The following RPSA2 variants were observed in gnomAD, a reference collection of about 807,000 sequenced individuals.
RPSA2 encodes the protein small ribosomal subunit protein uS2B.
At chr19:23,827,630 G>A in the RPSA2 span, 3 of 1,594,282 alleles carry the variant, frequency 1.9e-6, no homozygotes, top group Non-Finnish European at 2.6e-6. Context: ...TCTGCGCTAT[G>A]TGGACATTGC....
the RPSA2 span, among the ~76,000 whole-genome samples, chr19:23,792,770 C>T: frequency 1.3e-5 from 2 of 151,840 alleles, no homozygotes; most frequent in African/African-American, 2.4e-5. Context: ...GCCTCGGCCT[C>T]CCAAAGTGCT....
chr19:23,835,209 T>G, the RPSA2 span, among the ~76,000 whole-genome samples: 1 of 20,646 alleles, frequency 4.8e-5, no homozygotes. Flanking sequence ...TTTTATAAAT[T>G]TTAATATATT....
the RPSA2 span, among the ~76,000 whole-genome samples, chr19:23,839,691 C>T: frequency 1.3e-5 from 2 of 152,134 alleles, no homozygotes; most frequent in African/African-American, 2.4e-5. Context: ...GGAGTTTTAC[C>T]CCTTGCTTCT....
chr19:23,778,109 T>C, the RPSA2 span, among the ~76,000 whole-genome samples: 1 of 152,206 alleles, frequency 6.6e-6, no homozygotes, highest in Admixed American at 6.5e-5. Flanking sequence ...CATATTGCAG[T>C]GACCAGAACC....
chr19:23,785,892 A>C, the RPSA2 span, among the ~76,000 whole-genome samples: 1 of 152,108 alleles, frequency 6.6e-6, no homozygotes, highest in Non-Finnish European at 1.5e-5. Flanking sequence ...GGAAATTACC[A>C]CTTTCTTGTA....
At chr19:23,870,988 C>A in the RPSA2 span, among the ~76,000 whole-genome samples, 5 of 152,158 alleles carry the variant, frequency 3.3e-5, no homozygotes, top group Non-Finnish European at 7.3e-5. Flanking sequence ...ACTGGGACAT[C>A]TGGAGCCTAC....
At chr19:23,805,067 A>T in the RPSA2 span, among the ~76,000 whole-genome samples, 3 of 30,434 alleles carry the variant, frequency 9.9e-5, no homozygotes, top group Admixed American at 3.7e-4. Context: ...ACTGTAGCAG[A>T]AATTGCTAGT....
At chr19:23,776,129 C>T in the RPSA2 span, among the ~76,000 whole-genome samples, 5 of 152,266 alleles carry the variant, frequency 3.3e-5, no homozygotes, top group South Asian at 1.0e-3. Context: ...TCATGCCTTG[C>T]TGCTGCACAC....
At chr19:23,764,827 CCTT>C in the RPSA2 span, among the ~76,000 whole-genome samples, 9 of 152,124 alleles carry the variant, frequency 5.9e-5, no homozygotes, top group South Asian at 1.2e-3. Context: ...CTGCGCCTCT[CCTT>C]CTTTTATCTT....
the RPSA2 span, among the ~76,000 whole-genome samples, chr19:23,820,016 C>T: frequency 1.3e-5 from 2 of 152,234 alleles, no homozygotes; most frequent in Non-Finnish European, 2.9e-5. Flanking sequence ...TTAGTTACTT[C>T]TCGTGCTTTC....
chr19:23,857,925 CT>C, the RPSA2 span, among the ~76,000 whole-genome samples: 1 of 151,990 alleles, frequency 6.6e-6, no homozygotes, highest in Non-Finnish European at 1.5e-5. Context: ...CGTCTTTATA[CT>C]GATTTCTGCA....
the RPSA2 span, among the ~76,000 whole-genome samples, chr19:23,864,832 A>T: frequency 2.0e-3 from 298 of 152,188 alleles, 1 homozygote; most frequent in Middle Eastern, 6.8e-3. Context: ...TTAAATTTTC[A>T]AAGAATGCTG....
At chr19:23,844,737 G>A in the RPSA2 span, among the ~76,000 whole-genome samples, 10 of 151,200 alleles carry the variant, frequency 6.6e-5, no homozygotes, top group African/African-American at 2.4e-4. Flanking sequence ...AATTTTCTTT[G>A]TTGTGTTCAT....
chr19:23,835,186 C>G, the RPSA2 span, among the ~76,000 whole-genome samples: 1 of 145,064 alleles, frequency 6.9e-6, no homozygotes, highest in Non-Finnish European at 1.5e-5. Flanking sequence ...ATTTCTGAGT[C>G]CTTAATAAAT....
chr19:23,856,940 C>A, the RPSA2 span, among the ~76,000 whole-genome samples: 61 of 152,252 alleles, frequency 4.0e-4, no homozygotes, highest in Non-Finnish European at 7.6e-4. Context: ...AACATCTTAA[C>A]AGAAAACAAG....
At chr19:23,850,755 C>T in the RPSA2 span, among the ~76,000 whole-genome samples, 5 of 151,790 alleles carry the variant, frequency 3.3e-5, no homozygotes, top group African/African-American at 4.8e-5. Flanking sequence ...ATTTTTTTTG[C>T]CTGTATAATG....
At chr19:23,860,685 T>A in the RPSA2 span, among the ~76,000 whole-genome samples, 1 of 152,196 alleles carries the variant, frequency 6.6e-6, no homozygotes, top group African/African-American at 2.4e-5. Flanking sequence ...ACTATTATTT[T>A]GCTGAAACTC....
the RPSA2 span, among the ~76,000 whole-genome samples, chr19:23,820,425 C>T: frequency 2.0e-5 from 3 of 152,208 alleles, no homozygotes; most frequent in Admixed American, 6.5e-5. Flanking sequence ...AAACCAGGCC[C>T]TGTCACTTAG....
the RPSA2 span, among the ~76,000 whole-genome samples, chr19:23,801,265 G>C: frequency 4.1e-5 from 6 of 147,086 alleles, no homozygotes; most frequent in Admixed American, 4.1e-4. Context: ...GGGGGGGATG[G>C]AGTCTTGCTC....
Sources: gnomAD v4.1 joint callset for allele counts (sites outside exome capture counted in the v4.1 genomes callset) on GRCh38, gnomAD v4.1.1 for gene constraint, MANE v1.5 for transcripts, NCBI Gene and HGNC (gene_info 2026-07-23, HGNC 2026-07-21) for gene names.